The following ARHGEF11 variants were observed in gnomAD, a reference collection of about 807,000 sequenced individuals.
ARHGEF11 encodes the protein Rho guanine nucleotide exchange factor 11.
Under a neutral mutation model 193.7 loss-of-function variants are expected in ARHGEF11, and 55 were observed. That is an observed-to-expected ratio of 0.28 (90% CI 0.23 to 0.36). The LOEUF is 0.36. ARHGEF11 is among the 10% of genes least tolerant of loss of function. The pLI, the probability that ARHGEF11 is intolerant of heterozygous loss-of-function variation, is 1.00. For synonymous variants in ARHGEF11, 693 were observed against 768.0 expected, an observed-to-expected ratio of 0.90 and a Z score of 1.62; for missense variants, 1,723 against 2,005.6, an observed-to-expected ratio of 0.86 and a Z score of 2.69.
At chr1:156,966,534 C>A (rs1661691962) in intron 11 of ARHGEF11, among the ~76,000 whole-genome samples, 1 of 152,216 alleles carries the variant, frequency 6.6e-6, no homozygotes, top group African/African-American at 2.4e-5. Flanking sequence ...AAAATACCAC[C>A]TGTTTAACTC....
intron 1 of ARHGEF11, among the ~76,000 whole-genome samples, chr1:157,039,364 A>G (rs1361201333): frequency 6.6e-6 from 1 of 152,232 alleles, no homozygotes; most frequent in Non-Finnish European, 1.5e-5. Context: ...AGGGCAGGTA[A>G]GCACCTTTGC....
rs1382664941 is a variant in ARHGEF11 at position 156,976,972 on chromosome 1, A to G, written c.582+11T>C. The G allele has an allele frequency of 1.2e-5, 19 of 1,612,982 alleles. No individual in the cohort carries two copies. Among genetic ancestry groups the G allele is most frequent in the Non-Finnish European group, 1.4e-5 (17 of 1,179,036 alleles). ...AGGCAATGGCCAGTCTACCCTTGGC[A>G]GTGACCTTACCTGTAATTCTTTTTC... On this transcript the variant is annotated intron_variant, in intron 7 of 40. Coordinates refer to ENST00000368194, the MANE Select transcript of ARHGEF11 (RefSeq NM_198236.3).
chr1:156,969,434 G>A, intron 9 of ARHGEF11, 76 bp from the exon 10 acceptor site: 1 of 1,404,472 alleles, frequency 7.1e-7, no homozygotes, highest in Admixed American at 2.0e-5. Context: ...CTGGGCACCT[G>A]TGTGCAGGGC....
chr1:156,961,867 T>G (rs2102176397), intron 13 of ARHGEF11, 92 bp from the exon 14 acceptor site: 2 of 1,142,816 alleles, frequency 1.8e-6, no homozygotes, highest in Non-Finnish European at 2.6e-6. Context: ...TGGAGACATT[T>G]TTAGTTGTTA....
intron 11 of ARHGEF11, among the ~76,000 whole-genome samples, chr1:156,966,151 G>T (rs768241794): frequency 8.5e-5 from 13 of 152,206 alleles, no homozygotes; most frequent in Non-Finnish European, 1.8e-4. Context: ...AGCTCAGTGA[G>T]TAGGATTATC....
chr1:156,963,643 G>A lies in ARHGEF11; in HGVS notation c.964-49C>T, dbSNP rs771304558. The A allele has an allele frequency of 6.9e-6, 11 of 1,596,660 alleles. No individual in the cohort carries two copies. In the South Asian group the frequency reaches 9.1e-5, roughly 13 times the overall value. On this transcript the variant is annotated intron_variant, in intron 11 of 40. Transcript: ENST00000368194. ...GAGATGAGAGGTTATAGAGGACAGA[G>A]GATTCAACCACCTCAGTGAAGTTTG...
At chr1:156,936,497 A>AAAATATATATATAT (rs370282821) in intron 40 of ARHGEF11, among the ~76,000 whole-genome samples, 2 of 33,940 alleles carry the variant, frequency 5.9e-5, no homozygotes, top group Non-Finnish European at 9.3e-5. Context: ...AAAAAAAAAA[A>AAAATATATATATAT]ATATATATAT....
intron 1 of ARHGEF11, among the ~76,000 whole-genome samples, chr1:157,028,140 G>A (rs775044072): frequency 6.6e-6 from 1 of 152,186 alleles, no homozygotes; most frequent in South Asian, 2.1e-4. Flanking sequence ...TTAGAATTAC[G>A]TTAAGCCCCT....
chr1:157,039,315 C>T (rs1042321069), intron 1 of ARHGEF11, among the ~76,000 whole-genome samples: 4 of 152,164 alleles, frequency 2.6e-5, no homozygotes, highest in African/African-American at 9.7e-5. Context: ...GCTGGCTAGC[C>T]TAATTCCCTC....
At chr1:156,947,702 T>A (rs974442875) in intron 25 of ARHGEF11, 67 bp downstream of exon 25, 19 of 1,572,506 alleles carry the variant, frequency 1.2e-5, no homozygotes, top group Non-Finnish European at 1.6e-5. Flanking sequence ...CACCCTTGTG[T>A]CTTAGGCATT....
chr1:156,938,342 A>AG (rs1274916270), intron 38 of ARHGEF11, 76 bp downstream of exon 38: 1 of 1,381,242 alleles, frequency 7.2e-7, no homozygotes, highest in Admixed American at 1.8e-5. Flanking sequence ...GACCATGGGC[A>AG]GGGGTCCGAC....
chr1:157,036,469 G>C (rs1252949248), intron 1 of ARHGEF11, among the ~76,000 whole-genome samples: 1 of 151,852 alleles, frequency 6.6e-6, no homozygotes, highest in Non-Finnish European at 1.5e-5. Flanking sequence ...CTACAGGCGT[G>C]CACCAACACA....
At chr1:156,937,527 A>G (rs1471495953) in intron 38 of ARHGEF11, 31 bp from the exon 39 acceptor site, 1 of 1,505,072 alleles carries the variant, frequency 6.6e-7, no homozygotes, top group Non-Finnish European at 8.9e-7. Flanking sequence ...TGAGATCAGG[A>G]GGCAAACAGA....
chr1:157,016,856 G>A (rs1669307194), intron 1 of ARHGEF11, among the ~76,000 whole-genome samples: 1 of 151,402 alleles, frequency 6.6e-6, no homozygotes, highest in African/African-American at 2.4e-5. Flanking sequence ...TTGTCATCCA[G>A]GCTGGAGTGC....
At chr1:156,989,094 G>A (rs1206124021) in intron 1 of ARHGEF11, among the ~76,000 whole-genome samples, 1 of 151,954 alleles carries the variant, frequency 6.6e-6, no homozygotes, top group East Asian at 1.9e-4. Flanking sequence ...TCAAAATTTG[G>A]CAGCAGAGCT....
At position 157,026,463 on chromosome 1, in the gene ARHGEF11, C is replaced by T. The variant is rs77938636; in HGVS notation, c.32+17836G>A. Among the ~76,000 whole-genome samples, 833 of 152,230 alleles carry T rather than the reference C, an allele frequency of 5.5e-3. 27 individuals are homozygous for T. In the East Asian group the frequency reaches 0.086, roughly 16 times the overall value. On this transcript the variant is annotated intron_variant, in intron 1 of 40. Coordinates refer to ENST00000368194, the MANE Select transcript of ARHGEF11 (RefSeq NM_198236.3). ...CAGAGGCAAGACCATGTGAGGAAAA[C>T]AAAGCTCTGAGTCCCAGATCACCCA...
chr1:157,017,564 G>A (rs529128768), intron 1 of ARHGEF11, among the ~76,000 whole-genome samples: 21 of 151,902 alleles, frequency 1.4e-4, no homozygotes, highest in African/African-American at 3.1e-4. Flanking sequence ...AAAATTAGCC[G>A]GACGTGGTGG....
intron 4 of ARHGEF11, 75 bp from the exon 5 acceptor site, chr1:156,979,361 CT>C (rs36031299): frequency 0.16 from 82,140 of 498,242 alleles, 781 homozygotes; most frequent in East Asian, 0.24. Flanking sequence ...CAAAATGCCA[CT>C]TTTTTTTTTT....
Position 157,044,537 on chromosome 1 carries a change from C to A in ARHGEF11, c.-207G>T. ...ATGATTTCCTTTCTCAGCCCCTCTT[C>A]CCCTCCCCCGCTTTAAAAAAAAAGA... On this transcript the variant is annotated 5_prime_UTR_variant, in exon 1 of 41. Coordinates refer to ENST00000368194, the MANE Select transcript of ARHGEF11 (RefSeq NM_198236.3). 1 of 449,502 alleles carries A rather than the reference C, an allele frequency of 2.2e-6. No homozygotes were observed. The highest frequency in any genetic ancestry group is 4.0e-6 in the Non-Finnish European group (1 of 252,168). 27.8% of individuals were successfully genotyped at this position (449,502 alleles called of 1,614,324 possible).
Sources: allele counts gnomAD v4.1 joint callset (sites outside exome capture counted in the v4.1 genomes callset), GRCh38; gene constraint gnomAD v4.1.1; transcripts MANE v1.5; gene names NCBI Gene and HGNC (gene_info 2026-07-23, HGNC 2026-07-21).